Variants in RTTN observed in about 807,000 individuals in gnomAD.
RTTN encodes rotatin.
RTTN carries 182 observed loss-of-function variants against 269.2 expected under a neutral mutation model. The observed-to-expected ratio is 0.68, with a 90% CI of 0.60 to 0.76. The LOEUF is 0.76. Ranked by LOEUF, RTTN falls within the 30% of genes least tolerant of loss-of-function variation. The pLI, the probability that RTTN is intolerant of heterozygous loss-of-function variation, is 0.00. For missense variants in RTTN, 2,545 were observed against 2,608.6 expected, an observed-to-expected ratio of 0.98 and a Z score of 0.53; for synonymous variants, 1,006 against 963.5, an observed-to-expected ratio of 1.04 and a Z score of -0.82.
chr18:70,194,429 C>T (rs186675979), intron 7 of RTTN: 5 of 152,200 alleles, frequency 3.3e-5, no homozygotes, highest in African/African-American at 7.2e-5. Flanking sequence ...TTCCATATGA[C>T]GCAGCAATTT....
intron 41 of RTTN, among the ~76,000 whole-genome samples, chr18:70,030,371 G>A (rs1329831698): frequency 6.6e-6 from 1 of 152,058 alleles, no homozygotes; most frequent in Non-Finnish European, 1.5e-5. Context: ...TGTTGTAGTC[G>A]CAAATCACAA....
At chr18:70,168,770 A>T (rs777764232) in intron 12 of RTTN, 85 bp downstream of exon 12, 72 of 987,012 alleles carry the variant, frequency 7.3e-5, no homozygotes, top group Non-Finnish European at 1.0e-4. Flanking sequence ...CAATTTAATT[A>T]TATGTCCATC....
chr18:70,045,133 G>C (rs2057457828), intron 40 of RTTN, among the ~76,000 whole-genome samples: 1 of 152,212 alleles, frequency 6.6e-6, no homozygotes, highest in African/African-American at 2.4e-5. Context: ...CATGACTTAA[G>C]ATGTAAGTAT....
intron 14 of RTTN, among the ~76,000 whole-genome samples, chr18:70,151,331 G>T (rs1421529934): frequency 6.6e-6 from 1 of 150,714 alleles, no homozygotes; most frequent in East Asian, 1.9e-4. Context: ...CCAACACTTA[G>T]AGTAACTATC....
In RTTN at chr18:70,190,519, G is replaced by A. The variant is rs747965205; in HGVS notation, c.1189+19C>T. On this transcript the variant is annotated intron_variant, in intron 9 of 48. Transcript: ENST00000640769. ...CAGACACAAATTATATCAGAATTAC[G>A]ATTTCTAAAACAACTAACCTGTTCT... 1.9e-6 allele frequency: 3 copies of A among 1,564,982 alleles called. No individual in the cohort carries two copies. Among genetic ancestry groups the A allele is most frequent in the East Asian group, 2.3e-5 (1 of 44,110 alleles).
chr18:70,177,910 T>G (rs2061340229), intron 10 of RTTN, among the ~76,000 whole-genome samples: 1 of 152,030 alleles, frequency 6.6e-6, no homozygotes, highest in East Asian at 1.9e-4. Flanking sequence ...TATCATATGA[T>G]CCAGCAAATT....
intron 46 of RTTN, among the ~76,000 whole-genome samples, chr18:70,016,588 TCA>T (rs1289185276): frequency 6.6e-6 from 1 of 152,198 alleles, no homozygotes. Context: ...CACATACTCC[TCA>T]CAGAGATAAC....
At chr18:70,007,915 C>G (rs1463655851) in intron 46 of RTTN, 3 of 153,112 alleles carry the variant, frequency 2.0e-5, no homozygotes, top group Non-Finnish European at 4.4e-5. Context: ...TGCTAACGGA[C>G]AGACTGCCTC....
At chr18:70,153,092 A>G (rs1435786588) in intron 14 of RTTN, among the ~76,000 whole-genome samples, 2 of 152,064 alleles carry the variant, frequency 1.3e-5, no homozygotes, top group African/African-American at 2.4e-5. Context: ...CTCGGGCTAG[A>G]AATTCTCCCT....
At chr18:70,073,334 G>A (rs1010108882) in intron 34 of RTTN, among the ~76,000 whole-genome samples, 9 of 151,988 alleles carry the variant, frequency 5.9e-5, no homozygotes, top group African/African-American at 1.7e-4. Context: ...ATGCAAACAG[G>A]CATATATAAA....
Position 70,166,129 on chromosome 18 carries a change from T to G in RTTN, c.1862A>C (p.His621Pro). ...LQGESQKVLL[H>P]MLSHPLPRVK... is the part of the protein sequence containing the mutation. ...TCGTGGCAATGGGTGAGACAACATA[T>G]GGAGAAGCACCTTCTGACTTTCTCC... The change falls in exon 14 of 49, where the codon CAT (histidine) becomes CCT (proline). Residue 621 changes from histidine to proline, a missense_variant. Physicochemically the swap from His to Pro is moderately conservative, Grantham distance 77. Coordinates refer to ENST00000640769, the MANE Select transcript of RTTN (RefSeq NM_173630.4). The G allele has an allele frequency of 1.9e-6, 3 of 1,613,642 alleles. No homozygotes were observed. Among genetic ancestry groups the G allele is most frequent in the Non-Finnish European group, 2.5e-6 (3 of 1,179,620 alleles).
At chr18:70,148,819 G>C in intron 17 of RTTN, 82 bp downstream of exon 17, 1 of 1,533,066 alleles carries the variant, frequency 6.5e-7, no homozygotes, top group Non-Finnish European at 8.9e-7. Context: ...CTTTAGTTTT[G>C]TTTCAAATTA....
chr18:70,009,278 G>A (rs1049016653), intron 46 of RTTN, among the ~76,000 whole-genome samples: 14 of 152,062 alleles, frequency 9.2e-5, no homozygotes, highest in African/African-American at 3.4e-4. Flanking sequence ...TGGGACGACA[G>A]GTGGGCACCA....
chr18:70,149,038 C>T lies in RTTN; in HGVS notation c.2173-1G>A. On this transcript the variant is annotated splice_acceptor_variant, in intron 16 of 48. Transcript: ENST00000640769. LOFTEE classifies it high-confidence loss of function. Reference sequence around the variant, plus strand: ...GAGGATCTTCTGTGTCGGCATAGCCCTAATAGATTTGTTTTTAAAGAGAAA... The same window carrying T: ...GAGGATCTTCTGTGTCGGCATAGCCTTAATAGATTTGTTTTTAAAGAGAAA... 1 of 1,606,390 alleles carries T rather than the reference C, an allele frequency of 6.2e-7. No individual in the cohort carries two copies. Among genetic ancestry groups the T allele is most frequent in the Non-Finnish European group, 8.5e-7 (1 of 1,177,444 alleles).
chr18:70,026,522 T>C (rs1210183342), intron 43 of RTTN, among the ~76,000 whole-genome samples: 1 of 152,106 alleles, frequency 6.6e-6, no homozygotes, highest in Non-Finnish European at 1.5e-5. Flanking sequence ...GATTGGAAGT[T>C]TCCTGAGGCC....
At chr18:70,049,352 CAAG>C (rs751534144) in intron 39 of RTTN, among the ~76,000 whole-genome samples, 14 of 152,064 alleles carry the variant, frequency 9.2e-5, no homozygotes, top group Non-Finnish European at 1.8e-4. Flanking sequence ...CCAATAAATA[CAAG>C]AAGAAAATCC....
At chr18:70,196,936 C>T (rs1174395356) in intron 6 of RTTN, among the ~76,000 whole-genome samples, 1 of 152,162 alleles carries the variant, frequency 6.6e-6, no homozygotes, top group Non-Finnish European at 1.5e-5. Flanking sequence ...AAATTATTCC[C>T]CACTCAGGAC....
At chr18:70,125,611 T>G (rs2059845515) in intron 25 of RTTN, among the ~76,000 whole-genome samples, 1 of 152,042 alleles carries the variant, frequency 6.6e-6, no homozygotes, top group Non-Finnish European at 1.5e-5. Context: ...TATTTTGTTT[T>G]GTCTAGAATG....
chr18:70,161,565 C>A (rs1340001296), intron 14 of RTTN, among the ~76,000 whole-genome samples: 2 of 152,094 alleles, frequency 1.3e-5, no homozygotes, highest in African/African-American at 4.8e-5. Context: ...AAGTAAAAAG[C>A]CTACAGAATG....
Sources: gnomAD v4.1 joint callset for allele counts (sites outside exome capture counted in the v4.1 genomes callset) on GRCh38, gnomAD v4.1.1 for gene constraint, MANE v1.5 for transcripts, NCBI Gene and HGNC (gene_info 2026-07-23, HGNC 2026-07-21) for gene names.